Variants in TGFBR1 observed in about 807,000 individuals in gnomAD.
The protein encoded by TGFBR1 is transforming growth factor beta receptor 1.
Under a neutral mutation model 55.1 loss-of-function variants are expected in TGFBR1, and 20 were observed. The ratio of observed to expected loss-of-function variants is 0.36; its 90% CI spans 0.26 to 0.53. The LOEUF (loss-of-function observed/expected upper bound fraction) is 0.53. Among genes scored for constraint, TGFBR1 ranks in the 20% least tolerant of loss-of-function variants. TGFBR1 has a pLI of 0.91. For missense variants in TGFBR1, 385 were observed against 617.6 expected (o/e 0.62, Z 3.99); for synonymous variants, 220 against 214.8 (o/e 1.02, Z -0.21).
chr9:99,130,108 C>A (rs879379699), intron 2 of TGFBR1, among the ~76,000 whole-genome samples: 13 of 152,108 alleles, frequency 8.5e-5, no homozygotes, highest in Non-Finnish European at 1.8e-4. Flanking sequence ...AGAATGCCAC[C>A]CACATGCCAG....
intron 1 of TGFBR1, chr9:99,128,106 C>A: frequency 2.3e-6 from 1 of 431,028 alleles, no homozygotes; most frequent in Non-Finnish European, 4.7e-6. Context: ...GAAGGCTTCC[C>A]TAAAGAGGTC....
At chr9:99,109,352 G>A (rs1352054788) in intron 1 of TGFBR1, among the ~76,000 whole-genome samples, 2 of 152,110 alleles carry the variant, frequency 1.3e-5, no homozygotes, top group Non-Finnish European at 2.9e-5. Context: ...GTAGTTAGAA[G>A]GCTTTGGTTT....
intron 2 of TGFBR1, among the ~76,000 whole-genome samples, chr9:99,130,461 C>T (rs1221983767): frequency 6.6e-6 from 1 of 152,130 alleles, no homozygotes; most frequent in Non-Finnish European, 1.5e-5. Context: ...AAGGGTTGGT[C>T]GGACTACAAT....
chr9:99,128,184 G>T (rs1330391523), intron 1 of TGFBR1, among the ~76,000 whole-genome samples: 8 of 152,186 alleles, frequency 5.3e-5, no homozygotes, highest in Admixed American at 4.6e-4. Flanking sequence ...TTTGCTGCCA[G>T]TCATTTCTGT....
At chr9:99,148,222 G>A (rs1173742995) in intron 8 of TGFBR1, among the ~76,000 whole-genome samples, 3 of 152,154 alleles carry the variant, frequency 2.0e-5, no homozygotes, top group Admixed American at 6.5e-5. Flanking sequence ...CTCAGATAAG[G>A]TGATTACAAA....
upstream of TGFBR1, among the ~76,000 whole-genome samples, chr9:99,104,488 G>T (rs540553691): frequency 6.6e-6 from 1 of 152,258 alleles, no homozygotes; most frequent in East Asian, 1.9e-4. Flanking sequence ...CTGGGTTTGG[G>T]GTGACCGCTG....
At chr9:99,131,014 G>T (rs1827207215) in intron 2 of TGFBR1, among the ~76,000 whole-genome samples, 1 of 152,058 alleles carries the variant, frequency 6.6e-6, no homozygotes, top group Non-Finnish European at 1.5e-5. Context: ...GAGATATAGG[G>T]AACAGATTTA....
chr9:99,130,499 G>C (rs1827190223), intron 2 of TGFBR1, among the ~76,000 whole-genome samples: 1 of 152,230 alleles, frequency 6.6e-6, no homozygotes. Flanking sequence ...GAAAGCATCT[G>C]CAGTTATAAT....
In TGFBR1 at chr9:99,152,806, A is replaced by G. The variant is rs1828014597; in HGVS notation, c.*3501A>G. 4.3e-6 allele frequency: 1 copy of G among 231,330 alleles called. No homozygotes were observed. Among genetic ancestry groups the G allele is most frequent in the Non-Finnish European group, 8.6e-6 (1 of 116,612 alleles). 14.3% of individuals were successfully genotyped at this position (231,330 alleles called of 1,614,324 possible). On this transcript the variant is annotated 3_prime_UTR_variant, in exon 9 of 9. Transcript: ENST00000374994. ...GAGATACTAAGGATTATCTTTGGAC[A>G]TGTACTGCAGCTTCTTGTCTCTGTT...
At position 99,129,066 on chromosome 9, in the gene TGFBR1, G is replaced by T. The variant is rs1827131383; in HGVS notation, c.309G>T (p.Gln103His). The T allele has an allele frequency of 6.2e-7, 1 of 1,613,746 alleles. No individual in the cohort carries two copies. Among genetic ancestry groups the T allele is most frequent in the South Asian group, 1.1e-5 (1 of 91,080 alleles). The change falls in exon 2 of 9, where the codon CAG becomes CAT. Residue 103 changes from glutamine to histidine, a missense_variant. Coordinates refer to ENST00000374994, the MANE Select transcript of TGFBR1 (RefSeq NM_004612.4). ...TGACTACAACATATTGCTGCAATCA[G>T]GACCATTGCAATAAAATAGAACTTC... ...GSVTTTYCCN[Q>H]DHCNKIELPT...
upstream of TGFBR1, chr9:99,105,074 C>T (rs1826359641): frequency 1.5e-6 from 1 of 660,450 alleles, no homozygotes; most frequent in Non-Finnish European, 1.9e-6. Flanking sequence ...GGACGCGCGT[C>T]CTCCGAGCAG....
At chr9:99,105,847 G>A (rs1305799584) in intron 1 of TGFBR1, among the ~76,000 whole-genome samples, 3 of 152,218 alleles carry the variant, frequency 2.0e-5, no homozygotes, top group Non-Finnish European at 4.4e-5. Flanking sequence ...TCGTCCAGTG[G>A]GAGTCGGGGG....
chr9:99,140,906 G>A (rs932715481), intron 4 of TGFBR1, among the ~76,000 whole-genome samples: 4 of 152,136 alleles, frequency 2.6e-5, no homozygotes, highest in Admixed American at 6.5e-5. Context: ...GCTGTCATCT[G>A]GTGGTCACCA....
chr9:99,136,732 T>G (rs1482888016), intron 3 of TGFBR1, among the ~76,000 whole-genome samples: 2 of 151,940 alleles, frequency 1.3e-5, no homozygotes, highest in African/African-American at 2.4e-5. Flanking sequence ...GCTTTAAAGA[T>G]TTAACGTTTG....
chr9:99,120,284 T>C (rs1284556038), intron 1 of TGFBR1, among the ~76,000 whole-genome samples: 1 of 152,210 alleles, frequency 6.6e-6, no homozygotes, highest in Non-Finnish European at 1.5e-5. Flanking sequence ...TACCCACTAG[T>C]CAAATTAAAA....
chr9:99,153,353 CTGTAT>C lies in TGFBR1; in HGVS notation c.*4055_*4059del, dbSNP rs1828026474. The C allele has an allele frequency of 1.8e-5, 4 of 217,100 alleles. No homozygotes were observed. Among genetic ancestry groups the C allele is most frequent in the East Asian group, 6.8e-5 (1 of 14,680 alleles). 13.4% of individuals were successfully genotyped at this position (217,100 alleles called of 1,614,324 possible). A position where few individuals can be genotyped will look rare whatever the true frequency, so the allele number is the denominator to read the frequency against. On this transcript the variant is annotated 3_prime_UTR_variant, in exon 9 of 9. Coordinates refer to ENST00000374994, the MANE Select transcript of TGFBR1 (RefSeq NM_004612.4). ...TAACATCGTCTGTACTTTCTGTTTT[CTGTAT>C]TGTATTTGTGCAGGATTCTTTAGGC...
intron 1 of TGFBR1, among the ~76,000 whole-genome samples, chr9:99,111,737 T>A (rs762426525): frequency 1.3e-5 from 2 of 152,202 alleles, no homozygotes; most frequent in Non-Finnish European, 2.9e-5. Flanking sequence ...CAGCTTCAGT[T>A]TACAGAGGAA....
rs1312302543 is a variant in TGFBR1 at position 99,149,814 on chromosome 9, C to G, written c.*509C>G. 1 of 227,806 alleles carries G rather than the reference C, an allele frequency of 4.4e-6. No homozygotes were observed. Among genetic ancestry groups the G allele is most frequent in the African/African-American group, 2.2e-5 (1 of 44,628 alleles). 14.1% of individuals were successfully genotyped at this position (227,806 alleles called of 1,614,324 possible). A position where few individuals can be genotyped will look rare whatever the true frequency, so the allele number is the denominator to read the frequency against. The stretch of plus-strand genomic sequence containing the variant: ...TCTTAAAACTAACACTTATAAAACT[C>G]TTATCTTGAGTCTAAAAATGACCTC... On this transcript the variant is annotated 3_prime_UTR_variant, in exon 9 of 9. Coordinates refer to ENST00000374994, the MANE Select transcript of TGFBR1 (RefSeq NM_004612.4).
At chr9:99,147,847 T>A in intron 8 of TGFBR1, 63 bp downstream of exon 8, 1 of 1,595,922 alleles carries the variant, frequency 6.3e-7, no homozygotes, top group Non-Finnish European at 8.6e-7. Flanking sequence ...AAGCAAAAGT[T>A]TGCTACTTTT....
Sources: gnomAD v4.1 joint callset for allele counts (sites outside exome capture counted in the v4.1 genomes callset) on GRCh38, gnomAD v4.1.1 for gene constraint, MANE v1.5 for transcripts, NCBI Gene and HGNC (gene_info 2026-07-23, HGNC 2026-07-21) for gene names.